Variants in ZBTB20 observed in about 807,000 individuals in gnomAD.
ZBTB20 encodes zinc finger and BTB domain-containing protein 20.
ZBTB20 carries 9 observed loss-of-function variants against 56.9 expected under a neutral mutation model. That is an observed-to-expected ratio of 0.16 (90% CI 0.10 to 0.28). The LOEUF is 0.28. ZBTB20 is among the 10% of genes least tolerant of loss of function. The probability of loss-of-function intolerance (pLI) is 1.00; values close to 1 mark genes in which losing one functional copy is unlikely to be tolerated. For synonymous variants in ZBTB20, 417 were observed against 420.7 expected (o/e 0.99, Z 0.11); for missense variants, 655 against 1,003.0 (o/e 0.65, Z 4.69).
intron 3 of ZBTB20, among the ~76,000 whole-genome samples, chr3:114,923,015 T>C (rs1459177586): frequency 6.6e-6 from 1 of 152,144 alleles, no homozygotes; most frequent in East Asian, 1.9e-4. Context: ...AAGAAATAAA[T>C]TTAACCAAGT....
chr3:115,080,481 C>T (rs527651715), intron 1 of ZBTB20, among the ~76,000 whole-genome samples: 51 of 152,072 alleles, frequency 3.4e-4, no homozygotes, highest in African/African-American at 1.2e-3. Context: ...GAAACAAATG[C>T]CAGCTAGAAA....
intron 11 of ZBTB20, among the ~76,000 whole-genome samples, chr3:114,350,066 G>A (rs918114797): frequency 6.6e-6 from 1 of 152,106 alleles, no homozygotes; most frequent in African/African-American, 2.4e-5. Context: ...TCCATAAAGG[G>A]TTCCTGTGAC....
chr3:114,588,119 T>C (rs1002224667), intron 6 of ZBTB20, among the ~76,000 whole-genome samples: 1 of 152,168 alleles, frequency 6.6e-6, no homozygotes, highest in Non-Finnish European at 1.5e-5. Flanking sequence ...GGGCCTTCTT[T>C]TGTCACTTGT....
intron 5 of ZBTB20, among the ~76,000 whole-genome samples, chr3:114,720,293 G>A (rs1236374846): frequency 6.6e-6 from 1 of 150,504 alleles, no homozygotes; most frequent in Non-Finnish European, 1.5e-5. Flanking sequence ...TCTAAATATA[G>A]ATGACACCTC....
chr3:114,610,901 G>T (rs570201469), intron 6 of ZBTB20, among the ~76,000 whole-genome samples: 67 of 152,260 alleles, frequency 4.4e-4, no homozygotes, highest in Non-Finnish European at 6.6e-4. Flanking sequence ...ACAATTCTTG[G>T]TTAACCAAGA....
chr3:114,893,857 T>C (rs2074742978), intron 4 of ZBTB20, among the ~76,000 whole-genome samples: 1 of 152,180 alleles, frequency 6.6e-6, no homozygotes. Flanking sequence ...GCAGTCTATG[T>C]TCAGATTCCA....
At chr3:114,478,237 A>G (rs2041103684) in intron 7 of ZBTB20, among the ~76,000 whole-genome samples, 1 of 152,202 alleles carries the variant, frequency 6.6e-6, no homozygotes, top group Non-Finnish European at 1.5e-5. Context: ...AAGTGCTGGG[A>G]TTACAGGCGT....
chr3:114,607,469 A>G (rs893592656), intron 6 of ZBTB20, among the ~76,000 whole-genome samples: 1 of 151,758 alleles, frequency 6.6e-6, no homozygotes, highest in Non-Finnish European at 1.5e-5. Flanking sequence ...ACGCCGGGCT[A>G]ATTTTGTATT....
At chr3:114,487,105 A>G (rs892104642) in intron 7 of ZBTB20, among the ~76,000 whole-genome samples, 1 of 152,218 alleles carries the variant, frequency 6.6e-6, no homozygotes, top group Non-Finnish European at 1.5e-5. Flanking sequence ...ATATGTATAT[A>G]TAACATTTAA....
In ZBTB20 at chr3:114,331,363, T is replaced by A. The variant is rs962127126; in HGVS notation, c.*7642A>T. ...AAACAGCCTGTCCCTGTGGGTTTGC[T>A]GTGGATTCAACAAGCTGCATTTGTT... On this transcript the variant is annotated 3_prime_UTR_variant, in exon 12 of 12. Transcript: ENST00000675478. 1 of 152,270 alleles carries A rather than the reference T, an allele frequency of 6.6e-6. No homozygotes were observed. Among genetic ancestry groups the A allele is most frequent in the Admixed American group, 6.5e-5 (1 of 15,286 alleles). 9.4% of individuals were successfully genotyped at this position (152,270 alleles called of 1,614,324 possible).
intron 7 of ZBTB20, among the ~76,000 whole-genome samples, chr3:114,420,124 G>C (rs548707866): frequency 6.6e-6 from 1 of 152,224 alleles, no homozygotes; most frequent in South Asian, 2.1e-4. Context: ...GAGTGATCTA[G>C]AAGAAAATCT....
At chr3:114,797,774 T>C (rs958017267) in intron 5 of ZBTB20, among the ~76,000 whole-genome samples, 1 of 151,864 alleles carries the variant, frequency 6.6e-6, no homozygotes, top group East Asian at 1.9e-4. Flanking sequence ...AAAGCTTCCA[T>C]GGAATTTTTA....
At chr3:114,843,271 A>C (rs1021301809) in intron 4 of ZBTB20, among the ~76,000 whole-genome samples, 6 of 152,148 alleles carry the variant, frequency 3.9e-5, no homozygotes, top group Non-Finnish European at 5.9e-5. Context: ...ACTCTCACCT[A>C]TCTCAACTCA....
intron 6 of ZBTB20, among the ~76,000 whole-genome samples, chr3:114,512,372 T>C (rs1297425213): frequency 6.6e-6 from 1 of 152,130 alleles, no homozygotes; most frequent in Non-Finnish European, 1.5e-5. Context: ...CCGAGTCTAT[T>C]ATTGATTACT....
At chr3:114,600,982 A>T (rs1212839616) in intron 6 of ZBTB20, among the ~76,000 whole-genome samples, 2 of 150,298 alleles carry the variant, frequency 1.3e-5, no homozygotes, top group Admixed American at 1.3e-4. Context: ...TTCTCTAGGG[A>T]CATCCTTTTA....
chr3:115,146,533 A>C (rs2084979656), intron 1 of ZBTB20, among the ~76,000 whole-genome samples: 1 of 152,218 alleles, frequency 6.6e-6, no homozygotes, highest in Non-Finnish European at 1.5e-5. Flanking sequence ...GAAGTGGCCC[A>C]AAGAAGAGAA....
At chr3:114,973,208 G>A (rs897025214) in intron 3 of ZBTB20, among the ~76,000 whole-genome samples, 4 of 152,090 alleles carry the variant, frequency 2.6e-5, no homozygotes, top group Admixed American at 1.3e-4. Context: ...AAATATTGCC[G>A]AGTATTAATT....
At chr3:114,508,271 G>A (rs2044892177) in intron 6 of ZBTB20, among the ~76,000 whole-genome samples, 1 of 152,118 alleles carries the variant, frequency 6.6e-6, no homozygotes. Context: ...TCTAACAGGG[G>A]TGGCAAGTTA....
intron 4 of ZBTB20, among the ~76,000 whole-genome samples, chr3:114,867,236 G>A (rs113861384): frequency 0.011 from 1,630 of 152,210 alleles, 29 homozygotes; most frequent in African/African-American, 0.038. Flanking sequence ...TATGAAATAA[G>A]AGATGGCAGG....
Sources: allele counts gnomAD v4.1 joint callset (sites outside exome capture counted in the v4.1 genomes callset), GRCh38; gene constraint gnomAD v4.1.1; transcripts MANE v1.5; gene names NCBI Gene and HGNC (gene_info 2026-07-23, HGNC 2026-07-21).